Variants in ASIP observed in about 807,000 individuals in gnomAD.
ASIP encodes the protein agouti-signaling protein.
A neutral mutation model predicts 10.3 loss-of-function variants in ASIP; 11 were observed. That is an observed-to-expected ratio of 1.07 (90% confidence interval 0.68 to 1.78). ASIP has a LOEUF of 1.78. ASIP is among the 40% of genes most tolerant of loss of function. The pLI is 0.00. For missense variants in ASIP, 180 were observed against 169.2 expected (o/e 1.06, Z -0.35); for synonymous variants, 70 against 70.8 (o/e 0.99, Z 0.06).
intron 1 of ASIP, chr20:34,214,344 A>C: frequency 7.6e-7 from 1 of 1,313,480 alleles, no homozygotes. Flanking sequence ...TTCATATCTA[A>C]CAACAGTTTC....
chr20:34,206,816 G>C (rs776935060), intron 1 of ASIP, among the ~76,000 whole-genome samples: 1 of 152,086 alleles, frequency 6.6e-6, no homozygotes, highest in Non-Finnish European at 1.5e-5. Context: ...TCCTGACCTC[G>C]TGATCCACCT....
intron 1 of ASIP, among the ~76,000 whole-genome samples, chr20:34,226,236 C>T (rs2035092184): frequency 6.6e-6 from 1 of 152,150 alleles, no homozygotes; most frequent in Non-Finnish European, 1.5e-5. Flanking sequence ...CTTATGTCAG[C>T]TTACCATTAT....
intron 1 of ASIP, among the ~76,000 whole-genome samples, chr20:34,256,696 G>A (rs2035575320): frequency 6.6e-6 from 1 of 152,124 alleles, no homozygotes; most frequent in South Asian, 2.1e-4. Context: ...TTATGGTAAG[G>A]AAAACCCAAA....
At chr20:34,204,370 G>A (rs1390373242) in intron 1 of ASIP, among the ~76,000 whole-genome samples, 3 of 151,920 alleles carry the variant, frequency 2.0e-5, no homozygotes, top group South Asian at 2.1e-4. Flanking sequence ...ATAGGCACAC[G>A]CCACCATGCT....
intron 1 of ASIP, among the ~76,000 whole-genome samples, chr20:34,207,519 T>G (rs1339330262): frequency 6.6e-6 from 1 of 152,190 alleles, no homozygotes; most frequent in Non-Finnish European, 1.5e-5. Context: ...GCTGTGCAGG[T>G]TTTTGCCTTG....
upstream of ASIP, among the ~76,000 whole-genome samples, chr20:34,238,821 G>GT (rs2035244786): frequency 6.6e-6 from 1 of 151,996 alleles, no homozygotes; most frequent in African/African-American, 2.4e-5. Context: ...TTTTGTTACT[G>GT]TTTTTTGTTA....
At chr20:34,223,513 CGCCCG>C (rs2035068254) in intron 1 of ASIP, among the ~76,000 whole-genome samples, 1 of 149,662 alleles carries the variant, frequency 6.7e-6, no homozygotes, top group African/African-American at 2.5e-5. Context: ...TCAGCCCCCC[CGCCCG>C]GCCAGCCGTG....
At chr20:34,223,062 G>A (rs2035060815) in intron 1 of ASIP, among the ~76,000 whole-genome samples, 2 of 151,994 alleles carry the variant, frequency 1.3e-5, no homozygotes, top group Non-Finnish European at 1.5e-5. Context: ...CGTCTGGGAA[G>A]TGAGGAGTGT....
chr20:34,236,860 T>C (rs2035217840), upstream of ASIP, among the ~76,000 whole-genome samples: 1 of 152,190 alleles, frequency 6.6e-6, no homozygotes, highest in African/African-American at 2.4e-5. Context: ...AGGTCTATGA[T>C]TCATTTTGGG....
intron 1 of ASIP, among the ~76,000 whole-genome samples, chr20:34,250,436 G>A (rs1034260010): frequency 6.6e-6 from 1 of 152,242 alleles, no homozygotes; most frequent in East Asian, 1.9e-4. Context: ...GAGTGGCTGA[G>A]GCAGGAGGAT....
chr20:34,242,108 T>G (rs2035293024), intron 1 of ASIP, among the ~76,000 whole-genome samples: 1 of 152,182 alleles, frequency 6.6e-6, no homozygotes, highest in Admixed American at 6.5e-5. Flanking sequence ...TATGGAACAT[T>G]TTGTTCTGCT....
chr20:34,268,690 C>T (rs1433585835), intron 3 of ASIP, among the ~76,000 whole-genome samples: 1 of 151,592 alleles, frequency 6.6e-6, no homozygotes, highest in Admixed American at 6.6e-5. Context: ...GCCGAGATCG[C>T]GCCACTGCAG....
intron 1 of ASIP, among the ~76,000 whole-genome samples, chr20:34,248,388 ATTAC>A (rs1568762567): frequency 6.6e-6 from 1 of 152,190 alleles, no homozygotes; most frequent in Non-Finnish European, 1.5e-5. Flanking sequence ...TAAAAATCCC[ATTAC>A]TTAGGCCACA....
chr20:34,255,409 C>T (rs1330983883), intron 1 of ASIP, among the ~76,000 whole-genome samples: 1 of 152,092 alleles, frequency 6.6e-6, no homozygotes, highest in Non-Finnish European at 1.5e-5. Context: ...CTCCCTCCCA[C>T]CTCACCCTCC....
At chr20:34,247,448 A>T (rs954661403) in intron 1 of ASIP, among the ~76,000 whole-genome samples, 1 of 150,546 alleles carries the variant, frequency 6.6e-6, no homozygotes, top group Non-Finnish European at 1.5e-5. Context: ...TTACAGGCAC[A>T]TGCCACCACG....
chr20:34,237,854 T>A (rs538847867), upstream of ASIP, among the ~76,000 whole-genome samples: 11 of 152,338 alleles, frequency 7.2e-5, no homozygotes, highest in East Asian at 5.8e-4. Context: ...TGTTTTTTTT[T>A]ATCATGAAAT....
upstream of ASIP, among the ~76,000 whole-genome samples, chr20:34,191,231 T>TAGC (rs757965494): frequency 3.3e-5 from 5 of 152,300 alleles, no homozygotes; most frequent in East Asian, 9.7e-4. Context: ...CAACAATGAG[T>TAGC]AGCAAATCCA....
intron 1 of ASIP, among the ~76,000 whole-genome samples, chr20:34,217,816 C>G (rs1356139381): frequency 6.6e-6 from 1 of 152,220 alleles, no homozygotes; most frequent in Admixed American, 6.5e-5. Flanking sequence ...CCCGCCTCGG[C>G]CTCCCAAAGT....
chr20:34,218,995 G>A (rs1246271276), intron 1 of ASIP, among the ~76,000 whole-genome samples: 3 of 152,070 alleles, frequency 2.0e-5, no homozygotes, highest in African/African-American at 7.2e-5. Context: ...ACCCTCTGAA[G>A]TTTCTCAAAC....
Sources: allele counts gnomAD v4.1 joint callset (sites outside exome capture counted in the v4.1 genomes callset), GRCh38; gene constraint gnomAD v4.1.1; transcripts MANE v1.5; gene names NCBI Gene and HGNC (gene_info 2026-07-23, HGNC 2026-07-21).